The following FOCAD variants were observed in gnomAD, a reference collection of about 807,000 sequenced individuals.
The protein encoded by FOCAD is KIAA1797.
Under a neutral mutation model 225.6 loss-of-function variants are expected in FOCAD, and 198 were observed. That is an observed-to-expected ratio of 0.88 (90% CI 0.78 to 0.99). The LOEUF (loss-of-function observed/expected upper bound fraction) is 0.99, where lower values mean the gene tolerates loss of function less well. Among genes scored for constraint, FOCAD ranks in the 50% least tolerant of loss-of-function variants. The pLI, the probability that FOCAD is intolerant of heterozygous loss-of-function variation, is 0.00. For synonymous variants in FOCAD, 897 were observed against 755.0 expected, an observed-to-expected ratio of 1.19 and a Z score of -3.08; for missense variants, 2,713 against 2,123.6, an observed-to-expected ratio of 1.28 and a Z score of -5.46.
intron 25 of FOCAD, 33 bp downstream of exon 25, chr9:20,923,801 A>T (rs748126467): frequency 1.3e-6 from 2 of 1,539,000 alleles, no homozygotes; most frequent in Non-Finnish European, 1.8e-6. Context: ...ATTGGCTTTG[A>T]TTATGTCTTT....
At chr9:20,749,217 A>G (rs1828329165) in intron 5 of FOCAD, among the ~76,000 whole-genome samples, 1 of 152,120 alleles carries the variant, frequency 6.6e-6, no homozygotes, top group Non-Finnish European at 1.5e-5. Context: ...GTTGGGGGAG[A>G]ATCGTTGTAA....
intron 8 of FOCAD, among the ~76,000 whole-genome samples, chr9:20,778,438 T>G (rs1819013984): frequency 6.6e-6 from 1 of 152,154 alleles, no homozygotes; most frequent in Non-Finnish European, 1.5e-5. Context: ...GCTGGGCTGG[T>G]CTCGAACTTC....
intron 11 of FOCAD, among the ~76,000 whole-genome samples, chr9:20,792,487 G>A (rs1426819205): frequency 1.3e-5 from 2 of 152,178 alleles, no homozygotes; most frequent in Non-Finnish European, 2.9e-5. Context: ...TGATGAGTTT[G>A]ACAAATTGAG....
intron 4 of FOCAD, among the ~76,000 whole-genome samples, chr9:20,731,328 G>C (rs905618057): frequency 6.6e-6 from 1 of 152,048 alleles, no homozygotes; most frequent in South Asian, 2.1e-4. Context: ...ATAATATAAG[G>C]ATATTACATG....
intron 15 of FOCAD, among the ~76,000 whole-genome samples, chr9:20,829,950 T>TA (rs1825319705): frequency 6.6e-6 from 1 of 152,104 alleles, no homozygotes; most frequent in Non-Finnish European, 1.5e-5. Flanking sequence ...ATTTAATTCT[T>TA]ACAATAGAAG....
intron 11 of FOCAD, among the ~76,000 whole-genome samples, chr9:20,797,982 T>C: frequency 1.3e-5 from 2 of 152,136 alleles, no homozygotes; most frequent in Non-Finnish European, 2.9e-5. Flanking sequence ...TGGCTGTGGG[T>C]TTGTCATAGA....
chr9:20,671,288 TTAAAA>T (rs1243349401), intron 2 of FOCAD, among the ~76,000 whole-genome samples: 2 of 152,004 alleles, frequency 1.3e-5, no homozygotes, highest in Non-Finnish European at 2.9e-5. Flanking sequence ...ACTGGAAGCC[TTAAAA>T]TAAAGAGGAA....
chr9:20,718,956 T>C (rs1179369781), intron 3 of FOCAD, among the ~76,000 whole-genome samples: 1 of 152,238 alleles, frequency 6.6e-6, no homozygotes, highest in Non-Finnish European at 1.5e-5. Flanking sequence ...AAAGGAGAAG[T>C]GGAATATAAA....
At chr9:20,971,529 T>TC (rs1051034525) in intron 35 of FOCAD, among the ~76,000 whole-genome samples, 3 of 151,924 alleles carry the variant, frequency 2.0e-5, no homozygotes, top group Non-Finnish European at 4.4e-5. Context: ...AACCTTCACC[T>TC]CCCGGGTTCA....
chr9:20,942,436 G>C (rs1836760040), intron 28 of FOCAD, among the ~76,000 whole-genome samples: 1 of 152,140 alleles, frequency 6.6e-6, no homozygotes, highest in Non-Finnish European at 1.5e-5. Flanking sequence ...AGAGGAATTT[G>C]TTTTCCAGAT....
chr9:20,693,704 CTATT>C (rs34849960), intron 1 of FOCAD, among the ~76,000 whole-genome samples: 30,500 of 151,640 alleles, frequency 0.2, 3,224 homozygotes, highest in African/African-American at 0.27. Flanking sequence ...TTTGCAATCA[CTATT>C]TATTTATTTA....
intron 29 of FOCAD, 26 bp downstream of exon 29, chr9:20,944,800 T>G: frequency 6.3e-7 from 1 of 1,586,620 alleles, no homozygotes; most frequent in Non-Finnish European, 8.6e-7. Flanking sequence ...TACATTTTTT[T>G]CCCCTCTGCT....
chr9:20,798,498 G>A (rs1351269646), intron 11 of FOCAD, among the ~76,000 whole-genome samples: 1 of 152,120 alleles, frequency 6.6e-6, no homozygotes, highest in Non-Finnish European at 1.5e-5. Flanking sequence ...TGGTTGGTAA[G>A]CTATTAATTA....
At chr9:20,921,682 A>C in intron 24 of FOCAD, among the ~76,000 whole-genome samples, 1 of 152,206 alleles carries the variant, frequency 6.6e-6, no homozygotes, top group South Asian at 2.1e-4. Flanking sequence ...ATATGTGTTC[A>C]TTCTGCAACC....
chr9:20,818,250 A>G (rs1000526943), intron 11 of FOCAD, among the ~76,000 whole-genome samples: 1 of 151,988 alleles, frequency 6.6e-6, no homozygotes, highest in African/African-American at 2.4e-5. Flanking sequence ...GGGTTTTAAG[A>G]GTTCTTTATA....
At chr9:20,961,034 A>G (rs925492413) in intron 35 of FOCAD, among the ~76,000 whole-genome samples, 4 of 152,184 alleles carry the variant, frequency 2.6e-5, no homozygotes, top group Middle Eastern at 3.4e-3. Flanking sequence ...TGCTATTGTG[A>G]ATAGTGCCAC....
At chr9:20,721,730 A>G (rs1433793246) in intron 4 of FOCAD, among the ~76,000 whole-genome samples, 1 of 152,062 alleles carries the variant, frequency 6.6e-6, no homozygotes, top group African/African-American at 2.4e-5. Context: ...TTGTGGAAAG[A>G]TTCCTGGGCT....
chr9:20,946,080 TATTCATTCATTC>T lies in FOCAD; in HGVS notation c.3556-590_3556-579del, dbSNP rs57359069. ...CATTGTTTTTTACCCATATTTTATT[TATTCATTCATTC>T]ATTCATTCATTCATTCATTCATTCA... On this transcript the variant is annotated intron_variant, in intron 29 of 43. Transcript: ENST00000338382. Among the ~76,000 whole-genome samples the T allele has an allele frequency of 1.6e-3, 201 of 122,510 alleles. 1 individual carries two copies. The highest frequency in any genetic ancestry group is 5.4e-3 in the South Asian group (18 of 3,346). The allele number at this position is 122,510 out of a possible 152,430, so 80.4% of individuals were successfully genotyped here.
intron 15 of FOCAD, among the ~76,000 whole-genome samples, chr9:20,847,995 C>G (rs1827284007): frequency 6.6e-6 from 1 of 151,914 alleles, no homozygotes; most frequent in African/African-American, 2.4e-5. Flanking sequence ...ATGTATATGA[C>G]AGGAAAGTCA....
Sources: allele counts gnomAD v4.1 joint callset (sites outside exome capture counted in the v4.1 genomes callset), GRCh38; gene constraint gnomAD v4.1.1; transcripts MANE v1.5; gene names NCBI Gene and HGNC (gene_info 2026-07-23, HGNC 2026-07-21).